The following ANO4 variants were observed in gnomAD, a reference collection of about 807,000 sequenced individuals.
ANO4 encodes the protein anoctamin-4.
A neutral mutation model predicts 141.9 loss-of-function variants in ANO4; 69 were observed. The observed-to-expected ratio is 0.49, with a 90% CI of 0.40 to 0.59. The LOEUF (loss-of-function observed/expected upper bound fraction) is 0.59. Ranked by LOEUF, ANO4 falls within the 20% of genes least tolerant of loss-of-function variation. The probability of loss-of-function intolerance (pLI) is 0.00; values close to 1 mark genes in which losing one functional copy is unlikely to be tolerated. For missense variants in ANO4, 894 were observed against 1,162.2 expected, an observed-to-expected ratio of 0.77 and a Z score of 3.36; for synonymous variants, 350 against 394.3, an observed-to-expected ratio of 0.89 and a Z score of 1.33.
At chr12:100,719,161 C>A (rs2030746263) in intron 1 of ANO4, among the ~76,000 whole-genome samples, 1 of 152,042 alleles carries the variant, frequency 6.6e-6, no homozygotes, top group Non-Finnish European at 1.5e-5. Flanking sequence ...CTCATTAGAC[C>A]CTTAAAGAGA....
intron 14 of ANO4, among the ~76,000 whole-genome samples, chr12:101,059,178 A>G (rs2048246953): frequency 6.6e-6 from 1 of 152,204 alleles, no homozygotes; most frequent in Non-Finnish European, 1.5e-5. Context: ...TAATTTGCAT[A>G]TGTTGAACCA....
At chr12:100,788,501 G>C (rs2033941704) in intron 3 of ANO4, among the ~76,000 whole-genome samples, 1 of 152,038 alleles carries the variant, frequency 6.6e-6, no homozygotes, top group African/African-American at 2.4e-5. Flanking sequence ...TTTGTTAATG[G>C]GTGTTACACG....
intron 1 of ANO4, among the ~76,000 whole-genome samples, chr12:100,730,313 GC>G (rs76185584): frequency 6.6e-6 from 1 of 151,794 alleles, no homozygotes; most frequent in Non-Finnish European, 1.5e-5. Context: ...CTCCTCCCCT[GC>G]CCCCCAAGAG....
Position 100,943,820 on chromosome 12 carries a change from A to G in ANO4, c.456+1285A>G, listed in dbSNP as rs143100420. On this transcript the variant is annotated intron_variant, in intron 5 of 27. Coordinates refer to ENST00000392977, the MANE Select transcript of ANO4 (RefSeq NM_001286615.2). ...TACTCTTTAAGTTCTAAATTGTCTCAGACAATTGCATTTTTTTCTTAACAT... is the reference window on the plus strand; with the variant it reads ...TACTCTTTAAGTTCTAAATTGTCTCGGACAATTGCATTTTTTTCTTAACAT... 5.3e-3 allele frequency among the ~76,000 whole-genome samples: 801 copies of G among 152,354 alleles called. 7 individuals are homozygous for G. Among genetic ancestry groups the G allele is most frequent in the African/African-American group, 0.018 (753 of 41,582 alleles).
In ANO4 at chr12:101,123,552, T is replaced by C. The variant is rs57075128; in HGVS notation, c.2676+2927T>C. ...GTTCTCATCATTCAGCTCCCACTTA[T>C]AAGTGAGAACATGTGGTATTTGGTT... On this transcript the variant is annotated intron_variant, in intron 26 of 27. Coordinates refer to ENST00000392977, the MANE Select transcript of ANO4 (RefSeq NM_001286615.2). Among the ~76,000 whole-genome samples the C allele has an allele frequency of 4.6e-3, 679 of 146,414 alleles. 8 individuals are homozygous for C. Among genetic ancestry groups the C allele is most frequent in the African/African-American group, 0.016 (658 of 40,356 alleles).
chr12:100,943,217 G>A (rs1197921652), intron 5 of ANO4, among the ~76,000 whole-genome samples: 2 of 152,172 alleles, frequency 1.3e-5, no homozygotes, highest in East Asian at 3.9e-4. Flanking sequence ...CACATTTGTA[G>A]AACTTGGCCC....
At chr12:101,080,908 C>CAT (rs1414967308) in intron 15 of ANO4, among the ~76,000 whole-genome samples, 3 of 89,830 alleles carry the variant, frequency 3.3e-5, no homozygotes, top group African/African-American at 1.1e-4. Context: ...TATACATACA[C>CAT]ATATACATAT....
intron 3 of ANO4, among the ~76,000 whole-genome samples, chr12:100,930,526 G>A (rs1000108520): frequency 6.6e-6 from 1 of 152,094 alleles, no homozygotes; most frequent in Admixed American, 6.6e-5. Flanking sequence ...TCTCTGTTCT[G>A]TTCCACTAAT....
intron 8 of ANO4, among the ~76,000 whole-genome samples, chr12:100,990,377 C>T (rs192980126): frequency 2.0e-5 from 3 of 152,224 alleles, no homozygotes; most frequent in African/African-American, 7.2e-5. Flanking sequence ...GTCAGAAGCC[C>T]TTGGATACCC....
chr12:100,893,811 G>A (rs775860661), intron 1 of ANO4, among the ~76,000 whole-genome samples: 10 of 152,044 alleles, frequency 6.6e-5, no homozygotes, highest in Non-Finnish European at 1.2e-4. Flanking sequence ...GAATTTGGTC[G>A]CAGGGGGATT....
At chr12:100,877,162 G>A (rs74993858) in intron 1 of ANO4, among the ~76,000 whole-genome samples, 1 of 152,210 alleles carries the variant, frequency 6.6e-6, no homozygotes, top group Non-Finnish European at 1.5e-5. Flanking sequence ...CGGGCACAAA[G>A]TTTTGGTGAG....
Position 101,110,354 on chromosome 12 carries a change from A to T in ANO4, c.2150-50A>T, listed in dbSNP as rs772296960. The T allele has an allele frequency of 6.6e-6, 10 of 1,516,474 alleles. No individual in the cohort carries two copies. In the Admixed American group the frequency reaches 8.0e-5, roughly 12 times the overall value. 93.9% of individuals were successfully genotyped at this position (1,516,474 alleles called of 1,614,324 possible). A position where few individuals can be genotyped will look rare whatever the true frequency, so the allele number is the denominator to read the frequency against. Reference sequence around the variant, plus strand: ...TTCAGATTATGATCCCTTTGAAAATAGTAATGGAAAACCAATACTCTCTGC... The same window carrying T: ...TTCAGATTATGATCCCTTTGAAAATTGTAATGGAAAACCAATACTCTCTGC... On this transcript the variant is annotated intron_variant, in intron 22 of 27. Transcript: ENST00000392977.
intron 5 of ANO4, among the ~76,000 whole-genome samples, chr12:100,946,502 G>A (rs2042727356): frequency 6.6e-6 from 1 of 152,180 alleles, no homozygotes; most frequent in African/African-American, 2.4e-5. Context: ...ATTGCAGACA[G>A]ATTGAATGGG....
intron 1 of ANO4, among the ~76,000 whole-genome samples, chr12:100,732,227 C>T (rs567371708): frequency 2.0e-5 from 3 of 152,266 alleles, no homozygotes; most frequent in Admixed American, 6.5e-5. Context: ...GGTCCTGTTG[C>T]CAGCATTTGG....
At chr12:100,939,229 C>G (rs1376870155) in intron 3 of ANO4, 86 bp from the exon 4 acceptor site, 3 of 1,369,928 alleles carry the variant, frequency 2.2e-6, no homozygotes, top group Non-Finnish European at 2.0e-6. Flanking sequence ...AAAATATGAA[C>G]CCAAAGGGAG....
At chr12:100,888,942 C>T (rs1454111926) in intron 1 of ANO4, among the ~76,000 whole-genome samples, 1 of 151,488 alleles carries the variant, frequency 6.6e-6, no homozygotes, top group Non-Finnish European at 1.5e-5. Flanking sequence ...AGGTTTGTTA[C>T]ATATGTATGC....
chr12:100,829,282 A>G (rs1345567293), intron 1 of ANO4, among the ~76,000 whole-genome samples: 2 of 152,082 alleles, frequency 1.3e-5, no homozygotes, highest in African/African-American at 2.4e-5. Context: ...TTATCTCTCA[A>G]TCCTCAGTTT....
chr12:101,022,722 A>C (rs916983237), intron 9 of ANO4, among the ~76,000 whole-genome samples: 2 of 152,108 alleles, frequency 1.3e-5, no homozygotes, highest in African/African-American at 4.8e-5. Flanking sequence ...TGGTATTATC[A>C]TTTGCAGTAC....
intron 14 of ANO4, among the ~76,000 whole-genome samples, chr12:101,054,448 G>A (rs117866095): frequency 4.2e-4 from 64 of 152,230 alleles, no homozygotes; most frequent in Non-Finnish European, 6.5e-4. Flanking sequence ...AACAAATTAG[G>A]TCAAATATAT....
Sources: allele counts gnomAD v4.1 joint callset (sites outside exome capture counted in the v4.1 genomes callset), GRCh38; gene constraint gnomAD v4.1.1; transcripts MANE v1.5; gene names NCBI Gene and HGNC (gene_info 2026-07-23, HGNC 2026-07-21).